CSTA: variants seen among roughly 807,000 people sequenced by gnomAD.
The protein encoded by CSTA is cystatin A, also known as cystatin-A.
In CSTA, 9 loss-of-function variants were observed where a neutral mutation model predicts 9.2. The ratio of observed to expected loss-of-function variants is 0.97; its 90% confidence interval spans 0.59 to 1.70. The LOEUF (loss-of-function observed/expected upper bound fraction) is 1.70. CSTA is among the 40% of genes most tolerant of loss of function. The pLI, the probability that CSTA is intolerant of heterozygous loss-of-function variation, is 0.00. For synonymous variants in CSTA, 36 were observed against 40.6 expected, an observed-to-expected ratio of 0.89 and a Z score of 0.43; for missense variants, 118 against 113.1, an observed-to-expected ratio of 1.04 and a Z score of -0.20.
At chr3:122,331,385 C>T (rs2075204031) in intron 1 of CSTA, among the ~76,000 whole-genome samples, 1 of 152,152 alleles carries the variant, frequency 6.6e-6, no homozygotes, top group Non-Finnish European at 1.5e-5. Flanking sequence ...CATTCAGCCA[C>T]ACCAGAATCC....
At chr3:122,330,862 A>G (rs572755023) in intron 1 of CSTA, among the ~76,000 whole-genome samples, 2 of 152,280 alleles carry the variant, frequency 1.3e-5, no homozygotes, top group Admixed American at 6.5e-5. Flanking sequence ...CACATCCAGA[A>G]AGACAGAGCC....
In CSTA at chr3:122,341,689, C is replaced by A; in HGVS notation, c.*122C>A. The A allele has an allele frequency of 7.8e-7, 1 of 1,283,954 alleles. No individual in the cohort carries two copies. Among genetic ancestry groups the A allele is most frequent in the East Asian group, 2.3e-5 (1 of 42,642 alleles). 79.5% of individuals were successfully genotyped at this position (1,283,954 alleles called of 1,614,324 possible). ...AAAGAAATTATTTCTTCAATTATTT[C>A]TCATTTATTGTATTAAGCAGAAATT... On this transcript the variant is annotated 3_prime_UTR_variant, in exon 3 of 3. Coordinates refer to ENST00000264474, the MANE Select transcript of CSTA (RefSeq NM_005213.4).
rs190788005 is a variant in CSTA at position 122,328,927 on chromosome 3, C to T, written c.66+3569C>T. ...CTGCACTCCAGCCTGGATGACAGAG[C>T]GAGACTCCATTTCAAAAAGTAAAAA... On this transcript the variant is annotated intron_variant, in intron 1 of 2. Coordinates refer to ENST00000264474, the MANE Select transcript of CSTA (RefSeq NM_005213.4). 3.1e-4 allele frequency among the ~76,000 whole-genome samples: 47 copies of T among 150,728 alleles called. No homozygotes were observed. In the East Asian group the frequency reaches 7.9e-3, roughly 25 times the overall value.
rs1233517553 is a variant in CSTA at position 122,341,680 on chromosome 3, C to T, written c.*113C>T. On this transcript the variant is annotated 3_prime_UTR_variant, in exon 3 of 3. Coordinates refer to ENST00000264474, the MANE Select transcript of CSTA (RefSeq NM_005213.4). ...TTCTTTTCCAAAGAAATTATTTCTT[C>T]AATTATTTCTCATTTATTGTATTAA... 1 of 1,308,410 alleles carries T rather than the reference C, an allele frequency of 7.6e-7. No individual in the cohort carries two copies. Among genetic ancestry groups the T allele is most frequent in the Non-Finnish European group, 1.1e-6 (1 of 918,830 alleles). 81.1% of individuals were successfully genotyped at this position (1,308,410 alleles called of 1,614,324 possible). A position where few individuals can be genotyped will look rare whatever the true frequency, so the allele number is the denominator to read the frequency against.
intron 2 of CSTA, chr3:122,337,948 G>A (rs775145065): frequency 2.7e-6 from 1 of 368,596 alleles, no homozygotes; most frequent in Admixed American, 4.3e-5. Context: ...CTTAGGTAAG[G>A]AGGGAGGATC....
chr3:122,337,469 A>G, intron 1 of CSTA, 78 bp from the exon 2 acceptor site: 2 of 912,286 alleles, frequency 2.2e-6, no homozygotes, highest in South Asian at 2.8e-5. Flanking sequence ...TAGGAGGATG[A>G]GGTTCCCAGA....
At chr3:122,337,496 A>G (rs774424437) in intron 1 of CSTA, 51 bp from the exon 2 acceptor site, 38 of 1,254,866 alleles carry the variant, frequency 3.0e-5, no homozygotes, top group African/African-American at 4.4e-5. Flanking sequence ...CATTGCATAC[A>G]TGGAGTCTAA....
intron 1 of CSTA, among the ~76,000 whole-genome samples, chr3:122,334,979 T>C (rs983928167): frequency 3.9e-5 from 6 of 152,128 alleles, no homozygotes; most frequent in African/African-American, 1.4e-4. Flanking sequence ...AGACCTCCCA[T>C]AGTTCCTTCT....
At chr3:122,337,688 T>C in intron 2 of CSTA, 40 bp downstream of exon 2, 1 of 1,259,834 alleles carries the variant, frequency 7.9e-7, no homozygotes, top group Non-Finnish European at 1.2e-6. Flanking sequence ...AAAGATGTAT[T>C]TCTCATTTTA....
Position 122,337,602 on chromosome 3 carries a change from T to C in CSTA, c.122T>C (p.Val41Ala), listed in dbSNP as rs1374173829. ...GAGACTTACGGAAAATTGGAAGCTGTGCAGTATAAAACTCAAGTTGTTGCT... is the reference window on the plus strand; with the variant it reads ...GAGACTTACGGAAAATTGGAAGCTGCGCAGTATAAAACTCAAGTTGTTGCT... ...TNETYGKLEA[V>A]QYKTQVVAGT... Residue 41 changes from valine (V) to alanine (A), a missense_variant, in exon 2 of 3, where the codon GTG becomes GCG. Val to Ala is a moderately conservative substitution (Grantham distance 64). Transcript: ENST00000264474. 1 of 1,613,620 alleles carries C rather than the reference T, an allele frequency of 6.2e-7. No homozygotes were observed. Among genetic ancestry groups the C allele is most frequent in the Non-Finnish European group, 8.5e-7 (1 of 1,179,574 alleles).
intron 1 of CSTA, among the ~76,000 whole-genome samples, chr3:122,329,114 C>A (rs2075187558): frequency 6.6e-6 from 1 of 151,224 alleles, no homozygotes; most frequent in Non-Finnish European, 1.5e-5. Context: ...TACAGGCGCC[C>A]GCCACCATGC....
At chr3:122,335,788 C>T (rs55784797) in intron 1 of CSTA, among the ~76,000 whole-genome samples, 18,391 of 151,860 alleles carry the variant, frequency 0.12, 1,404 homozygotes, top group Middle Eastern at 0.27. Flanking sequence ...CCCACCATTG[C>T]GCCCAGCTAA....
intron 2 of CSTA, among the ~76,000 whole-genome samples, chr3:122,339,542 CAA>C (rs2075253942): frequency 6.6e-6 from 1 of 152,072 alleles, no homozygotes; most frequent in Non-Finnish European, 1.5e-5. Context: ...ATATAAAGCA[CAA>C]AATAAGAGCT....
intron 1 of CSTA, among the ~76,000 whole-genome samples, chr3:122,329,303 G>A (rs1379923842): frequency 6.6e-6 from 1 of 152,116 alleles, no homozygotes; most frequent in African/African-American, 2.4e-5. Context: ...GACTGGTGCG[G>A]TGGCTCTCGG....
At position 122,341,749 on chromosome 3, in the gene CSTA, AG is replaced by A. The variant is rs2075267171; in HGVS notation, c.*183del. On this transcript the variant is annotated 3_prime_UTR_variant, in exon 3 of 3. Coordinates refer to ENST00000264474, the MANE Select transcript of CSTA (RefSeq NM_005213.4). ...TTCTCAAAATCAGTGTTATTGCTTT[AG>A]AGTATAAACTCCATATAAATTGATG... is the stretch of plus-strand genomic sequence containing the variant. The A allele has an allele frequency of 1.4e-6, 1 of 731,582 alleles. No homozygotes were observed. The highest frequency in any genetic ancestry group is 2.8e-5 in the Admixed American group (1 of 35,180). The allele number at this position is 731,582 out of a possible 1,614,324, so 45.3% of individuals were successfully genotyped here.
At chr3:122,341,184 C>T (rs1025544171) in intron 2 of CSTA, among the ~76,000 whole-genome samples, 1 of 151,986 alleles carries the variant, frequency 6.6e-6, no homozygotes, top group African/African-American at 2.4e-5. Context: ...CTCGTGATCC[C>T]CCTGCCTCAG....
At chr3:122,333,993 A>C (rs2075222814) in intron 1 of CSTA, among the ~76,000 whole-genome samples, 2 of 152,192 alleles carry the variant, frequency 1.3e-5, no homozygotes, top group Admixed American at 1.3e-4. Context: ...TCAGCTCCTA[A>C]CTTGACTGGT....
intron 1 of CSTA, among the ~76,000 whole-genome samples, chr3:122,336,648 T>A (rs7628094): frequency 0.5 from 76,460 of 151,926 alleles, 20,074 homozygotes; most frequent in Non-Finnish European, 0.58. Context: ...TATGAAAGTA[T>A]GGCGAGAAAC....
intron 2 of CSTA, chr3:122,337,929 GTGC>G (rs1391876328): frequency 1.8e-5 from 7 of 395,228 alleles, no homozygotes; most frequent in Middle Eastern, 8.0e-4. Context: ...ATTTGTGGCT[GTGC>G]TGCTGCTTAG....
Sources: allele counts gnomAD v4.1 joint callset (sites outside exome capture counted in the v4.1 genomes callset), GRCh38; gene constraint gnomAD v4.1.1; transcripts MANE v1.5; gene names NCBI Gene and HGNC (gene_info 2026-07-23, HGNC 2026-07-21).